Variants in ACTR3C observed in about 807,000 individuals in gnomAD.
The protein encoded by ACTR3C is actin-related protein 3C.
In ACTR3C, 18 loss-of-function variants were observed where a neutral mutation model predicts 26.3. The ratio of observed to expected loss-of-function variants is 0.68; its 90% CI spans 0.47 to 1.01. ACTR3C has a LOEUF of 1.01. ACTR3C is among the 50% of genes least tolerant of loss of function. The probability of loss-of-function intolerance (pLI) is 0.00; values close to 1 mark genes in which losing one functional copy is unlikely to be tolerated. For synonymous variants in ACTR3C, 55 were observed against 94.5 expected, an observed-to-expected ratio of 0.58 and a Z score of 2.42; for missense variants, 184 against 250.7, an observed-to-expected ratio of 0.73 and a Z score of 1.80.
At chr7:150,059,817 G>A in the ACTR3C span, among the ~76,000 whole-genome samples, 1 of 152,190 alleles carries the variant, frequency 6.6e-6, no homozygotes. Context: ...AAGATGACAG[G>A]CTTGAAATCC....
At chr7:150,055,729 T>A in the ACTR3C span, among the ~76,000 whole-genome samples, 2 of 152,188 alleles carry the variant, frequency 1.3e-5, no homozygotes, top group Non-Finnish European at 2.9e-5. Flanking sequence ...TTTTGTACCT[T>A]AGCAGAGAGC....
chr7:150,038,827 G>C, the ACTR3C span, among the ~76,000 whole-genome samples: 2 of 139,958 alleles, frequency 1.4e-5, no homozygotes, highest in Non-Finnish European at 3.1e-5. Context: ...CTGCGATGGG[G>C]GTCCTAAGAG....
chr7:149,919,644 T>C, the ACTR3C span, among the ~76,000 whole-genome samples: 2 of 152,082 alleles, frequency 1.3e-5, no homozygotes, highest in Non-Finnish European at 2.9e-5. Flanking sequence ...GTGAATTTAG[T>C]TGAGTCCATG....
intron 6 of ACTR3C, among the ~76,000 whole-genome samples, chr7:150,283,836 C>T (rs549176355): frequency 6.4e-4 from 96 of 150,224 alleles, no homozygotes; most frequent in African/African-American, 2.1e-3. Context: ...ACTGAGCTGA[C>T]GGCGCGACTC....
the ACTR3C span, among the ~76,000 whole-genome samples, chr7:150,208,377 CAAGGTTGGGGAAAGAAT>C: frequency 6.6e-6 from 1 of 152,088 alleles, no homozygotes; most frequent in Non-Finnish European, 1.5e-5. Context: ...AGAAACTCTC[CAAGGTTGGGGAAAGAAT>C]AACCTGGAAG....
At chr7:150,144,535 A>AT in the ACTR3C span, among the ~76,000 whole-genome samples, 1 of 151,534 alleles carries the variant, frequency 6.6e-6, no homozygotes, top group Non-Finnish European at 1.5e-5. This position sits in a 1 kb window ranked among gnomAD's most constrained non-coding sequence, Gnocchi z 4.6. Flanking sequence ...GTCCAATATT[A>AT]TTTTTTGTCC....
chr7:150,094,421 G>A, the ACTR3C span, among the ~76,000 whole-genome samples: 3 of 149,982 alleles, frequency 2.0e-5, no homozygotes, highest in Non-Finnish European at 4.4e-5. Context: ...CAAGCACCAA[G>A]GGAAAACATC....
At position 150,268,327 on chromosome 7, in the gene ACTR3C, C is replaced by T. The variant is rs534557717; in HGVS notation, c.564+16426G>A. On this transcript the variant is annotated intron_variant, in intron 6 of 7. Coordinates refer to ENST00000683684, the MANE Select transcript of ACTR3C (RefSeq NM_001164458.2). ...TCCTAAAAGCAAACTCCAGCTCCCA[C>T]CCTAGTTCCACGTCTTGCTTTGTGT... Among the ~76,000 whole-genome samples, 9 of 147,168 alleles carry T rather than the reference C, an allele frequency of 6.1e-5. No homozygotes were observed. In the East Asian group the frequency reaches 1.2e-3, roughly 20 times the overall value.
At chr7:150,024,408 C>T in the ACTR3C span, among the ~76,000 whole-genome samples, 866 of 151,408 alleles carry the variant, frequency 5.7e-3, 16 homozygotes, top group African/African-American at 0.02. Context: ...TGTGGGTCCC[C>T]CGGCTCTCTC....
At chr7:150,081,074 C>A in the ACTR3C span, among the ~76,000 whole-genome samples, 1 of 152,028 alleles carries the variant, frequency 6.6e-6, no homozygotes, top group African/African-American at 2.4e-5. Context: ...CGTAATAAGA[C>A]AACTCTGGAG....
the ACTR3C span, chr7:150,002,770 C>T: frequency 1.3e-5 from 2 of 152,296 alleles, no homozygotes; most frequent in Middle Eastern, 3.4e-3. Context: ...ACCCCAGAGC[C>T]TCCCTTTTCA....
the ACTR3C span, among the ~76,000 whole-genome samples, chr7:149,983,152 G>A: frequency 0.15 from 23,203 of 151,692 alleles, 3,509 homozygotes; most frequent in African/African-American, 0.39. Context: ...CATAACACCT[G>A]ACATTGTAAA....
chr7:150,085,583 C>T, the ACTR3C span, among the ~76,000 whole-genome samples: 125 of 152,330 alleles, frequency 8.2e-4, no homozygotes, highest in African/African-American at 2.9e-3. Context: ...TCAGGCACTT[C>T]TTACTTTCTC....
chr7:150,162,614 C>T, the ACTR3C span, among the ~76,000 whole-genome samples: 49 of 152,172 alleles, frequency 3.2e-4, no homozygotes, highest in Admixed American at 7.8e-4. Context: ...TGGGTCCAGC[C>T]GTAAGTTTTT....
the ACTR3C span, among the ~76,000 whole-genome samples, chr7:150,034,792 T>A: frequency 4.0e-5 from 6 of 150,656 alleles, no homozygotes; most frequent in African/African-American, 1.5e-4. Context: ...GAAGAGGGTC[T>A]GGCTCTCAGT....
the ACTR3C span, among the ~76,000 whole-genome samples, chr7:150,225,335 G>A: frequency 6.6e-6 from 1 of 152,146 alleles, no homozygotes; most frequent in East Asian, 1.9e-4. Flanking sequence ...AATGGTGTAT[G>A]TCTATATTCA....
the ACTR3C span, among the ~76,000 whole-genome samples, chr7:150,213,178 T>C: frequency 2.6e-5 from 4 of 152,142 alleles, no homozygotes; most frequent in African/African-American, 4.8e-5. Context: ...CCATGAGTTA[T>C]TAAAAAAAAT....
At chr7:150,014,798 C>A in the ACTR3C span, among the ~76,000 whole-genome samples, 3 of 152,144 alleles carry the variant, frequency 2.0e-5, no homozygotes, top group Non-Finnish European at 4.4e-5. Context: ...TCTTTCCATT[C>A]CTGAAATGAT....
chr7:150,312,155 C>A (rs747103369), intron 1 of ACTR3C, among the ~76,000 whole-genome samples: 1 of 152,226 alleles, frequency 6.6e-6, no homozygotes, highest in Non-Finnish European at 1.5e-5. Context: ...TTCCAGCCCC[C>A]ACTCCAGAAG....
Sources: allele counts gnomAD v4.1 joint callset (sites outside exome capture counted in the v4.1 genomes callset), GRCh38; gene constraint gnomAD v4.1.1; non-coding constraint Gnocchi (gnomAD v3.1); transcripts MANE v1.5; gene names NCBI Gene and HGNC (gene_info 2026-07-23, HGNC 2026-07-21).